Variants in NPC1 observed in about 807,000 individuals in gnomAD.
NPC1 encodes Niemann-Pick C1 protein.
A neutral mutation model predicts 140.4 loss-of-function variants in NPC1; 85 were observed. The observed-to-expected ratio is 0.61, with a 90% CI of 0.51 to 0.72. NPC1 has a LOEUF of 0.72. NPC1 is among the 30% of genes least tolerant of loss of function. NPC1 has a pLI of 0.00. For synonymous variants in NPC1, 656 were observed against 624.8 expected, an observed-to-expected ratio of 1.05 and a Z score of -0.74; for missense variants, 1,504 against 1,623.8, an observed-to-expected ratio of 0.93 and a Z score of 1.27.
At chr18:23,510,323 A>AG (rs1253034131) in intron 3 of NPC1, among the ~76,000 whole-genome samples, 2 of 144,628 alleles carry the variant, frequency 1.4e-5, no homozygotes, top group East Asian at 4.3e-4. Flanking sequence ...ACCCCATCTC[A>AG]AAAAAAAAAA....
intron 3 of NPC1, chr18:23,507,924 G>C: frequency 6.8e-7 from 1 of 1,466,102 alleles, no homozygotes; most frequent in Non-Finnish European, 9.4e-7. Flanking sequence ...GTATGCCAAC[G>C]TAGGTTGGCA....
At chr18:23,551,766 G>T in intron 9 of NPC1, 39 bp from the exon 10 acceptor site, 1 of 1,341,712 alleles carries the variant, frequency 7.5e-7, no homozygotes, top group Non-Finnish European at 1.1e-6. Flanking sequence ...AGTTAGAAGG[G>T]CCTCAAGACA....
chr18:23,557,075 A>G (rs2058964537), intron 7 of NPC1, 42 bp downstream of exon 7: 2 of 1,484,094 alleles, frequency 1.3e-6, no homozygotes, highest in African/African-American at 1.4e-5. Context: ...CATGACAGAC[A>G]GCATCATCTG....
intron 1 of NPC1, among the ~76,000 whole-genome samples, chr18:23,585,591 A>G (rs1223257158): frequency 6.6e-6 from 1 of 152,224 alleles, no homozygotes; most frequent in Non-Finnish European, 1.5e-5. Context: ...AGGAAACTAC[A>G]GACACACAAA....
chr18:23,586,397 C>T lies in NPC1; in HGVS notation c.-54G>A, dbSNP rs922810417. On this transcript the variant is annotated 5_prime_UTR_variant, in exon 1 of 25. Coordinates refer to ENST00000269228, the MANE Select transcript of NPC1 (RefSeq NM_000271.5). ...GGCGGCGTTCGGCTGGTTGGGCTCC[C>T]CGGAGGCGGCTCTACTTCCCCGGGC... is the stretch of plus-strand genomic sequence containing the variant. 5 of 1,529,132 alleles carry T rather than the reference C, an allele frequency of 3.3e-6. No individual in the cohort carries two copies. In the African/African-American group the frequency reaches 4.2e-5, roughly 13 times the overall value. 94.7% of individuals were successfully genotyped at this position (1,529,132 alleles called of 1,614,324 possible). A position where few individuals can be genotyped will look rare whatever the true frequency, so the allele number is the denominator to read the frequency against.
intron 3 of NPC1, among the ~76,000 whole-genome samples, chr18:23,510,074 G>C (rs2057812685): frequency 6.7e-6 from 1 of 150,178 alleles, no homozygotes; most frequent in African/African-American, 2.5e-5. Context: ...TGTAATTCCA[G>C]CTCTTTGGAA....
chr18:23,519,453 G>T (rs1438084195), downstream of NPC1, among the ~76,000 whole-genome samples: 1 of 151,990 alleles, frequency 6.6e-6, no homozygotes, highest in Non-Finnish European at 1.5e-5. Context: ...AGGAGGTCGG[G>T]GCTTCAGTGA....
chr18:23,517,953 G>T (rs1202890946), downstream of NPC1, among the ~76,000 whole-genome samples: 1 of 152,066 alleles, frequency 6.6e-6, no homozygotes, highest in Non-Finnish European at 1.5e-5. Flanking sequence ...CCTGGGCTCG[G>T]GTGATCCTCC....
At chr18:23,530,930 C>T (rs1009537364), downstream of NPC1, among the ~76,000 whole-genome samples, 4 of 152,184 alleles carry the variant, frequency 2.6e-5, no homozygotes, top group Non-Finnish European at 5.9e-5. Context: ...CAAATGGTGG[C>T]TAAGGGTTTT....
At chr18:23,538,447 TTCCCATGCAACTG>T in intron 20 of NPC1, 82 bp downstream of exon 20, 1 of 1,466,692 alleles carries the variant, frequency 6.8e-7, no homozygotes, top group Non-Finnish European at 9.6e-7. Context: ...AGAAGAGACG[TTCCCATGCAACTG>T]TCTTAGCCCA....
downstream of NPC1, among the ~76,000 whole-genome samples, chr18:23,526,015 T>C (rs1230874614): frequency 1.3e-5 from 2 of 152,192 alleles, 1 homozygote; most frequent in East Asian, 3.8e-4. Context: ...CGCTGGTGTT[T>C]TCCTGTACAG....
chr18:23,547,943 T>C, intron 11 of NPC1, 63 bp downstream of exon 11: 1 of 962,740 alleles, frequency 1.0e-6, no homozygotes, highest in South Asian at 1.3e-5. Context: ...TTTAAGTGCT[T>C]GCCGCAAGTG....
chr18:23,535,107 A>G (rs1050897276), intron 22 of NPC1, among the ~76,000 whole-genome samples: 5 of 152,182 alleles, frequency 3.3e-5, no homozygotes, highest in African/African-American at 1.2e-4. Context: ...TCTCTAAAGA[A>G]TAACAAATTA....
chr18:23,527,664 G>GTATTGTCTTTCT, downstream of NPC1: 1 of 607,866 alleles, frequency 1.6e-6, no homozygotes, highest in Non-Finnish European at 3.0e-6. Context: ...GGTCTTTAAA[G>GTATTGTCTTTCT]TAGAGTGTCC....
downstream of NPC1, chr18:23,530,553 T>C (rs1307094632): frequency 2.5e-6 from 4 of 1,614,078 alleles, no homozygotes; most frequent in African/African-American, 1.3e-5. Context: ...TTCTATACAA[T>C]ATTCCGCTTT....
intron 3 of NPC1, among the ~76,000 whole-genome samples, chr18:23,571,766 G>C (rs560441188): frequency 1.2e-4 from 18 of 152,070 alleles, no homozygotes; most frequent in African/African-American, 4.3e-4. Context: ...TGGAGCCTAG[G>C]AAGTTTAAGC....
chr18:23,572,104 T>C lies in NPC1; in HGVS notation c.257A>G (p.Asn86Ser). The C allele has an allele frequency of 3.7e-6, 6 of 1,613,772 alleles. No individual in the cohort carries two copies. The highest frequency in any genetic ancestry group is 5.1e-6 in the Non-Finnish European group (6 of 1,179,828). Residue 86 changes from asparagine (N) to serine (S), a missense_variant, in exon 3 of 25, where the codon AAC becomes AGC. Physicochemically the swap from Asn to Ser is conservative, Grantham distance 46. Transcript: ENST00000269228. ...DVRQLQTLKDNLQLPLQFLSR... is the reference protein window; with the variant it reads ...DVRQLQTLKDSLQLPLQFLSR... ...CAGAAACTGTAGAGGCAGCTGCAGG[T>C]TGTCTTTTAGTGTCTGAAGCTGCCG...
rs150630738 is a variant in NPC1, at chr18:23,571,472, C to G, written c.287+602G>C. On this transcript the variant is annotated intron_variant, in intron 3 of 24. Transcript: ENST00000269228. ...AGGAGTTTGAGACCAGCCTGGCCAA[C>G]ATGGTGAAACCCCACCTCTACTAAA... Among the ~76,000 whole-genome samples the G allele has an allele frequency of 5.7e-3, 870 of 152,146 alleles. 6 individuals carry two copies. Among genetic ancestry groups the G allele is most frequent in the African/African-American group, 0.019 (807 of 41,518 alleles).
intron 4 of NPC1, 61 bp from the exon 5 acceptor site, chr18:23,561,588 G>T: frequency 6.4e-7 from 1 of 1,570,438 alleles, no homozygotes; most frequent in Non-Finnish European, 8.8e-7. Context: ...CACGAGGCAA[G>T]ATCTTACAAA....
Sources: gnomAD v4.1 joint callset for allele counts (sites outside exome capture counted in the v4.1 genomes callset) on GRCh38, gnomAD v4.1.1 for gene constraint, MANE v1.5 for transcripts, NCBI Gene and HGNC (gene_info 2026-07-23, HGNC 2026-07-21) for gene names.